Variants in PIP5K1B observed in about 807,000 individuals in gnomAD.
PIP5K1B encodes the protein phosphatidylinositol 4-phosphate 5-kinase type-1 beta.
A neutral mutation model predicts 67.0 loss-of-function variants in PIP5K1B; 42 were observed. The ratio of observed to expected loss-of-function variants is 0.63; its 90% CI spans 0.49 to 0.81. The LOEUF (loss-of-function observed/expected upper bound fraction) is 0.81. Among genes scored for constraint, PIP5K1B ranks in the 30% least tolerant of loss-of-function variants. PIP5K1B has a pLI of 0.00. For missense variants in PIP5K1B, 459 were observed against 646.3 expected, an observed-to-expected ratio of 0.71 and a Z score of 3.14; for synonymous variants, 214 against 231.4, an observed-to-expected ratio of 0.92 and a Z score of 0.68.
At chr9:69,003,600 C>T (rs143253539) in intron 15 of PIP5K1B, among the ~76,000 whole-genome samples, 1 of 152,222 alleles carries the variant, frequency 6.6e-6, no homozygotes, top group Non-Finnish European at 1.5e-5. Context: ...CTCAGCACTG[C>T]CCTAAAACTC....
At chr9:68,789,364 TTCA>T in intron 2 of PIP5K1B, 1 of 390,214 alleles carries the variant, frequency 2.6e-6, no homozygotes, top group Admixed American at 3.4e-5. Context: ...CACATTGTCC[TTCA>T]TCACTAATTC....
chr9:68,853,967 C>T (rs1014845697), intron 4 of PIP5K1B, among the ~76,000 whole-genome samples: 5 of 152,140 alleles, frequency 3.3e-5, no homozygotes, highest in South Asian at 2.1e-4. Flanking sequence ...TGCTGGAGGC[C>T]GGCTTGTGCC....
chr9:68,941,741 G>A (rs1357022675), intron 14 of PIP5K1B, among the ~76,000 whole-genome samples: 1 of 152,198 alleles, frequency 6.6e-6, no homozygotes, highest in Non-Finnish European at 1.5e-5. Flanking sequence ...TAGCAGTTCA[G>A]TTGATTTCCA....
At chr9:68,974,069 C>G (rs1365588841) in intron 14 of PIP5K1B, among the ~76,000 whole-genome samples, 4 of 152,096 alleles carry the variant, frequency 2.6e-5, no homozygotes, top group African/African-American at 4.8e-5. Flanking sequence ...GGGGTTCCAC[C>G]CTGTTGCCCA....
chr9:68,842,180 G>A (rs140037627), intron 4 of PIP5K1B, among the ~76,000 whole-genome samples: 49 of 152,278 alleles, frequency 3.2e-4, no homozygotes, highest in African/African-American at 9.4e-4. Context: ...TTGAGAACCC[G>A]GCTTTCATCT....
At chr9:68,894,852 T>A (rs1824998410) in intron 8 of PIP5K1B, among the ~76,000 whole-genome samples, 1 of 152,246 alleles carries the variant, frequency 6.6e-6, no homozygotes, top group African/African-American at 2.4e-5. Flanking sequence ...CCTACATCTC[T>A]GTTGATTTTA....
At chr9:68,940,839 C>T in intron 14 of PIP5K1B, 49 bp downstream of exon 14, 1 of 1,548,404 alleles carries the variant, frequency 6.5e-7, no homozygotes, top group African/African-American at 1.4e-5. Context: ...ACCACATCAA[C>T]ATCAGGCCTG....
At chr9:68,759,277 G>A (rs2132382429) in intron 2 of PIP5K1B, among the ~76,000 whole-genome samples, 1 of 152,246 alleles carries the variant, frequency 6.6e-6, no homozygotes, top group South Asian at 2.1e-4. Flanking sequence ...TTCAATGAAT[G>A]CAGATGTAAT....
intron 4 of PIP5K1B, among the ~76,000 whole-genome samples, chr9:68,824,525 A>AT (rs901853739): frequency 4.6e-5 from 7 of 152,106 alleles, no homozygotes; most frequent in African/African-American, 1.7e-4. Flanking sequence ...GGGACCAGAA[A>AT]TTTTTTTTAA....
At chr9:68,780,092 G>T in intron 2 of PIP5K1B, 4 of 1,356,226 alleles carry the variant, frequency 2.9e-6, no homozygotes, top group Non-Finnish European at 3.8e-6. Flanking sequence ...GGCAGCGGCG[G>T]CGGCCCTGGA....
chr9:68,751,968 TA>T lies in PIP5K1B; in HGVS notation c.-86+9315del, dbSNP rs1829655200. On this transcript the variant is annotated intron_variant, in intron 2 of 15. Coordinates refer to ENST00000265382, the MANE Select transcript of PIP5K1B (RefSeq NM_003558.4). ...TTCCCTATTTTCATATCTAATTATT[TA>T]AAAGAATTGTTAAAGAATATGATAG... Among the ~76,000 whole-genome samples the T allele has an allele frequency of 2.0e-5, 3 of 152,236 alleles. No individual in the cohort carries two copies. The South Asian group carries it at 6.2e-4, about 32-fold the overall frequency.
intron 15 of PIP5K1B, among the ~76,000 whole-genome samples, chr9:69,006,089 C>T (rs1479739243): frequency 6.6e-6 from 1 of 152,132 alleles, no homozygotes; most frequent in Non-Finnish European, 1.5e-5. Flanking sequence ...CAGGGTCTCA[C>T]TATGTGGCCA....
intron 1 of PIP5K1B, chr9:68,739,977 G>C (rs897965642): frequency 2.6e-5 from 4 of 152,262 alleles, no homozygotes; most frequent in African/African-American, 9.7e-5. Flanking sequence ...ACCAGGTATA[G>C]AGTCTCTGCT....
chr9:68,854,958 G>A (rs1317532312), intron 4 of PIP5K1B, among the ~76,000 whole-genome samples: 1 of 152,064 alleles, frequency 6.6e-6, no homozygotes, highest in Non-Finnish European at 1.5e-5. Context: ...TCTAAGTTAA[G>A]GATCACTTCT....
rs533794770 is a variant in PIP5K1B at position 68,804,150 on chromosome 9, G to A, written c.-85-14311G>A. Among the ~76,000 whole-genome samples the A allele has an allele frequency of 6.6e-5, 10 of 152,266 alleles. No homozygotes were observed. In the East Asian group the frequency reaches 1.7e-3, roughly 26 times the overall value. On this transcript the variant is annotated intron_variant, in intron 2 of 15. Coordinates refer to ENST00000265382, the MANE Select transcript of PIP5K1B (RefSeq NM_003558.4). ...GGGATGATGCCGCAGCCAGGAGGGA[G>A]CATCAAGGTGAAGAAGAGGTTTCAG...
chr9:68,983,058 C>T lies in PIP5K1B; in HGVS notation c.1503-8082C>T, dbSNP rs150052541. On this transcript the variant is annotated intron_variant, in intron 14 of 15. Coordinates refer to ENST00000265382, the MANE Select transcript of PIP5K1B (RefSeq NM_003558.4). ...GTGCATATAACCTTTACTAATCTCT[C>T]TTTGCTAAAAATAATGTGACAGTGT... is the stretch of plus-strand genomic sequence containing the variant. Among the ~76,000 whole-genome samples the T allele has an allele frequency of 1.3e-3, 193 of 152,266 alleles. 1 individual carries two copies. The highest frequency in any genetic ancestry group is 4.4e-3 in the African/African-American group (184 of 41,552).
chr9:69,000,054 G>A, intron 15 of PIP5K1B, among the ~76,000 whole-genome samples: 1 of 152,136 alleles, frequency 6.6e-6, no homozygotes, highest in South Asian at 2.1e-4. Context: ...CAATTACAAT[G>A]TGGCGCAAAA....
chr9:68,923,235 A>C, intron 11 of PIP5K1B, 67 bp from the exon 12 acceptor site: 1 of 875,152 alleles, frequency 1.1e-6, no homozygotes, highest in Non-Finnish European at 1.9e-6. Context: ...AATTGCATAG[A>C]TCTCTCTTCT....
rs558687382 is a variant in PIP5K1B at position 68,866,039 on chromosome 9, C to G, written c.200+2072C>G. On this transcript the variant is annotated intron_variant, in intron 5 of 15. Transcript: ENST00000265382. The stretch of plus-strand genomic sequence containing the variant: ...TTGCATCTTTGGCCTTCACTGTCAT[C>G]CAAGGTAGCAGCAGCAGGTGTGTCA... Among the ~76,000 whole-genome samples the G allele has an allele frequency of 2.3e-3, 348 of 152,312 alleles. 1 individual carries two copies. The highest frequency in any genetic ancestry group is 7.1e-3 in the African/African-American group (296 of 41,556).
Sources: allele counts gnomAD v4.1 joint callset (sites outside exome capture counted in the v4.1 genomes callset), GRCh38; gene constraint gnomAD v4.1.1; transcripts MANE v1.5; gene names NCBI Gene and HGNC (gene_info 2026-07-23, HGNC 2026-07-21).